The following FYCO1 variants were observed in gnomAD, a reference collection of about 807,000 sequenced individuals.
FYCO1 encodes the protein FYVE and coiled-coil domain-containing protein 1.
A neutral mutation model predicts 165.1 loss-of-function variants in FYCO1; 122 were observed. That is an observed-to-expected ratio of 0.74 (90% CI 0.64 to 0.86). The LOEUF is 0.86. Among genes scored for constraint, FYCO1 ranks in the 40% least tolerant of loss-of-function variants. The probability of loss-of-function intolerance (pLI) is 0.00; values close to 1 mark genes in which losing one functional copy is unlikely to be tolerated. For synonymous variants in FYCO1, 648 were observed against 742.5 expected (o/e 0.87, Z 2.07); for missense variants, 1,702 against 1,810.3 (o/e 0.94, Z 1.09).
rs1706255828 is a variant in FYCO1, at chr3:45,968,711, G to A, written c.631-8C>T. On this transcript the variant is annotated splice_region_variant and splice_polypyrimidine_tract_variant and intron_variant, in intron 7 of 17. Coordinates refer to ENST00000296137, the MANE Select transcript of FYCO1 (RefSeq NM_024513.4). ...GGACACCATCTCTTGAGTCTGGGAG[G>A]GAAAACACAAAAGACAAGTGGCTTT... 6.2e-7 allele frequency: 1 copy of A among 1,614,030 alleles called. No homozygotes were observed.
In FYCO1 at chr3:45,931,296, C is replaced by T. The variant is rs1233916642; in HGVS notation, c.4041-15G>A. 9 of 1,611,646 alleles carry T rather than the reference C, an allele frequency of 5.6e-6. No homozygotes were observed. The Admixed American group carries it at 1.5e-4, about 27-fold the overall frequency. ...GTACTTTGATCCTAAAATAAAAATACAGAGAGGGACCTGATTGACTGGGCA... is the reference window on the plus strand; with the variant it reads ...GTACTTTGATCCTAAAATAAAAATATAGAGAGGGACCTGATTGACTGGGCA... On this transcript the variant is annotated splice_polypyrimidine_tract_variant and intron_variant, in intron 15 of 17. Transcript: ENST00000296137.
rs774403973 is a variant in FYCO1 at position 45,958,541 on chromosome 3, G to A, written c.3666C>T (p.Cys1222=). Residue 1222 remains cysteine (C), a synonymous_variant, in exon 13 of 18, where the codon TGC becomes TGT. Transcript: ENST00000296137. ...TGAGCTTCTGGAAACAGGCTCGGCAGCAGCGCTCCTTTTTGCCACCGTGCT... is the reference window on the plus strand; with the variant it reads ...TGAGCTTCTGGAAACAGGCTCGGCAACAGCGCTCCTTTTTGCCACCGTGCT... ...LSKHGGKKER[C]CRACFQKLSE... 4.4e-5 allele frequency: 71 copies of A among 1,614,090 alleles called. No individual in the cohort carries two copies. The highest frequency in any genetic ancestry group is 5.9e-5 in the Non-Finnish European group (70 of 1,180,050).
Position 45,993,078 on chromosome 3 carries a change from C to T in FYCO1, c.-113+2644G>A, listed in dbSNP as rs1379125485. On this transcript the variant is annotated intron_variant, in intron 1 of 17. Coordinates refer to ENST00000296137, the MANE Select transcript of FYCO1 (RefSeq NM_024513.4). This position sits in a 1 kb window ranked among gnomAD's most constrained non-coding sequence, Gnocchi z 4.4. The stretch of plus-strand genomic sequence containing the variant: ...CAGCCCTTGGGTCCCAGCCACAGGG[C>T]CACAATACTATACCCAAACCACAGA... Among the ~76,000 whole-genome samples, 1 of 152,170 alleles carries T rather than the reference C, an allele frequency of 6.6e-6. No homozygotes were observed. The highest frequency in any genetic ancestry group is 1.5e-5 in the Non-Finnish European group (1 of 68,036).
chr3:45,959,034 G>A (rs1384885817), intron 12 of FYCO1, among the ~76,000 whole-genome samples: 1 of 152,234 alleles, frequency 6.6e-6, no homozygotes, highest in Non-Finnish European at 1.5e-5. Context: ...CACTGCCTGT[G>A]TTCCTCTAGT....
chr3:45,938,842 C>T (rs574177372), intron 14 of FYCO1, among the ~76,000 whole-genome samples: 93 of 152,248 alleles, frequency 6.1e-4, no homozygotes, highest in African/African-American at 2.2e-3. Context: ...ACTAGGTAGC[C>T]GTGCAAAATG....
intron 1 of FYCO1, among the ~76,000 whole-genome samples, chr3:45,995,244 C>T (rs567389342): frequency 2.0e-5 from 3 of 152,330 alleles, no homozygotes; most frequent in Admixed American, 6.5e-5. Flanking sequence ...TCTTCCCCTC[C>T]TGGGAAGAGG....
Position 45,964,492 on chromosome 3 carries a change from A to T in FYCO1, c.3151-38T>A. On this transcript the variant is annotated intron_variant, in intron 9 of 17. Coordinates refer to ENST00000296137, the MANE Select transcript of FYCO1 (RefSeq NM_024513.4). The surrounding 1 kb of genome is among the most constrained non-coding windows in gnomAD (Gnocchi z 4.1). ...GTCAGGGAGAAGACACTCAGCTTGCAGAAGGCCATGCAACGTACCATAAAG... is the reference window on the plus strand; with the variant it reads ...GTCAGGGAGAAGACACTCAGCTTGCTGAAGGCCATGCAACGTACCATAAAG... 6 of 1,612,494 alleles carry T rather than the reference A, an allele frequency of 3.7e-6. No homozygotes were observed. Among genetic ancestry groups the T allele is most frequent in the Non-Finnish European group, 5.1e-6 (6 of 1,179,314 alleles).
intron 13 of FYCO1, among the ~76,000 whole-genome samples, chr3:45,956,696 G>C (rs549825737): frequency 2.6e-5 from 4 of 152,194 alleles, no homozygotes; most frequent in African/African-American, 7.2e-5. Context: ...CTGGCAGAGG[G>C]AAGGGAAAGC....
At position 45,964,356 on chromosome 3, in the gene FYCO1, G is replaced by A. The variant is rs769414483; in HGVS notation, c.3249C>T (p.Ala1083=). 5 of 1,613,838 alleles carry A rather than the reference G, an allele frequency of 3.1e-6. No homozygotes were observed. In the African/African-American group the frequency reaches 6.7e-5, roughly 22 times the overall value. ...CTAACCTTTCTAGGTCTTCACGCAG[G>A]GCAGCCCCCTCCTTGTCCTTCCTCA... ...AMLRKDKEGA[A]LREDLERTQK... Residue 1083 remains alanine, a synonymous_variant, in exon 10 of 18, where the codon GCC becomes GCT. Transcript: ENST00000296137. This position sits in a 1 kb window ranked among gnomAD's most constrained non-coding sequence, Gnocchi z 4.1.
chr3:45,970,381 A>C (rs1435436745), intron 6 of FYCO1, among the ~76,000 whole-genome samples: 2 of 152,240 alleles, frequency 1.3e-5, no homozygotes, highest in African/African-American at 4.8e-5. Flanking sequence ...GTTCAAACCT[A>C]GTCTCCAAAA....
At chr3:45,923,549 A>C (rs1703185097) in intron 17 of FYCO1, 107 bp downstream of exon 17, 3 of 776,820 alleles carry the variant, frequency 3.9e-6, no homozygotes, top group Non-Finnish European at 7.0e-6. Flanking sequence ...AGAACAATTA[A>C]TAATAAGTTA....
chr3:45,943,623 G>T (rs1486505599), intron 14 of FYCO1: 1 of 152,218 alleles, frequency 6.6e-6, no homozygotes, highest in Non-Finnish European at 1.5e-5. Flanking sequence ...TCAGATTCCT[G>T]TCTGTAGTAG....
chr3:45,973,677 C>T (rs958179104), intron 5 of FYCO1, among the ~76,000 whole-genome samples: 18 of 152,064 alleles, frequency 1.2e-4, no homozygotes, highest in African/African-American at 3.1e-4. Flanking sequence ...GGTTCAGCAC[C>T]GTAAGACAGG....
intron 14 of FYCO1, among the ~76,000 whole-genome samples, chr3:45,937,565 A>G (rs967581069): frequency 1.4e-4 from 21 of 152,208 alleles, no homozygotes; most frequent in Admixed American, 1.3e-3. Flanking sequence ...CTGGGTTCTG[A>G]TGGCTTGAAA....
At position 45,919,114 on chromosome 3, in the gene FYCO1, C is replaced by T. The variant is rs1703009282; in HGVS notation, c.*2651G>A. The T allele has an allele frequency of 6.6e-6, 1 of 150,774 alleles. No homozygotes were observed. The highest frequency in any genetic ancestry group is 6.6e-5 in the Admixed American group (1 of 15,136). 9.3% of individuals were successfully genotyped at this position (150,774 alleles called of 1,614,324 possible). A position where few individuals can be genotyped will look rare whatever the true frequency, so the allele number is the denominator to read the frequency against. On this transcript the variant is annotated 3_prime_UTR_variant, in exon 18 of 18. Coordinates refer to ENST00000296137, the MANE Select transcript of FYCO1 (RefSeq NM_024513.4). The stretch of plus-strand genomic sequence containing the variant: ...TGATCTGGGATCCCAAGGACGCTTC[C>T]TTCTGGCTGATTTCTAGTGTAATTC...
rs748877782 is a variant in FYCO1 at position 45,967,457 on chromosome 3, T to A, written c.1877A>T (p.Gln626Leu). 9 of 1,613,520 alleles carry A rather than the reference T, an allele frequency of 5.6e-6. No individual in the cohort carries two copies. The Admixed American group carries it at 1.3e-4, about 24-fold the overall frequency. The change falls in exon 8 of 18, where the codon CAG (glutamine) becomes CTG (leucine). Residue 626 changes from glutamine (Q) to leucine (L), a missense_variant. By Grantham distance (113) the Gln-to-Leu change is moderately radical. Transcript: ENST00000296137. ...QANRELEKEL[Q>L]NVVGRNQLLE... is the part of the protein sequence containing the mutation. ...GAGCTGGTTACGCCCGACCACATTC[T>A]GTAGCTCCTTCTCCAGCTCCCTGTT...
At chr3:45,942,334 T>A (rs1704277767) in intron 14 of FYCO1, among the ~76,000 whole-genome samples, 1 of 152,216 alleles carries the variant, frequency 6.6e-6, no homozygotes, top group African/African-American at 2.4e-5. Context: ...CATAGAAGCA[T>A]CCAGCATAGG....
At chr3:45,986,244 T>C (rs1352257859) in intron 1 of FYCO1, among the ~76,000 whole-genome samples, 1 of 152,190 alleles carries the variant, frequency 6.6e-6, no homozygotes, top group Non-Finnish European at 1.5e-5. Flanking sequence ...CCATTGTCAC[T>C]ACAGCAAATG....
intron 7 of FYCO1, 36 bp from the exon 8 acceptor site, chr3:45,968,739 G>A: frequency 6.2e-7 from 1 of 1,613,790 alleles, no homozygotes; most frequent in Non-Finnish European, 8.5e-7. Flanking sequence ...GTGGCTTTAG[G>A]ATGAAGCTAC....
Sources: allele counts gnomAD v4.1 joint callset (sites outside exome capture counted in the v4.1 genomes callset), GRCh38; gene constraint gnomAD v4.1.1; non-coding constraint Gnocchi (gnomAD v3.1); transcripts MANE v1.5; gene names NCBI Gene and HGNC (gene_info 2026-07-23, HGNC 2026-07-21).